Variants in WDR93 observed in about 807,000 individuals in gnomAD.
WDR93 encodes the protein WD repeat domain 93, also known as WD repeat-containing protein 93.
Under a neutral mutation model 82.9 loss-of-function variants are expected in WDR93, and 73 were observed. The observed-to-expected ratio is 0.88, with a 90% confidence interval of 0.73 to 1.07. The LOEUF (loss-of-function observed/expected upper bound fraction) is 1.07, where lower values mean the gene tolerates loss of function less well. Ranked by LOEUF, WDR93 falls within the 50% of genes least tolerant of loss-of-function variation. WDR93 has a pLI of 0.00. For synonymous variants in WDR93, 283 were observed against 300.1 expected (o/e 0.94, Z 0.59); for missense variants, 738 against 826.0 (o/e 0.89, Z 1.31).
intron 5 of WDR93, 130 bp downstream of exon 5, chr15:89,712,234 T>A: frequency 1.4e-6 from 1 of 720,052 alleles, no homozygotes; most frequent in Non-Finnish European, 2.2e-6. Flanking sequence ...GCAAAGAAAT[T>A]ACAGAGTTCC....
chr15:89,738,921 C>T (rs1280013373), intron 16 of WDR93, among the ~76,000 whole-genome samples: 1 of 152,040 alleles, frequency 6.6e-6, no homozygotes, highest in Non-Finnish European at 1.5e-5. Flanking sequence ...TTGAGACCAG[C>T]CTGGCCAACA....
chr15:89,727,302 T>C lies in WDR93; in HGVS notation c.1026T>C (p.Asp342=), dbSNP rs372221365. The C allele has an allele frequency of 1.4e-5, 23 of 1,613,858 alleles. No individual in the cohort carries two copies. Among genetic ancestry groups the C allele is most frequent in the Non-Finnish European group, 1.9e-5 (22 of 1,179,978 alleles). The part of the protein sequence containing the change: ...IFNASYKKYL[D]REWEEEPLST... Reference sequence around the variant, plus strand: ...ACGCTTCCTACAAGAAGTACCTAGATAGGGAGTGGGAGGAAGAGCCACTCA... The same window carrying C: ...ACGCTTCCTACAAGAAGTACCTAGACAGGGAGTGGGAGGAAGAGCCACTCA... Residue 342 remains aspartate, a synonymous_variant, in exon 9 of 17, where the codon GAT becomes GAC. Transcript: ENST00000268130.
chr15:89,740,423 C>T lies in WDR93; in HGVS notation c.1961+2187C>T, dbSNP rs117031894. Among the ~76,000 whole-genome samples, 845 of 152,262 alleles carry T rather than the reference C, an allele frequency of 5.5e-3. 6 individuals carry two copies. The highest frequency in any genetic ancestry group is 7.7e-3 in the Non-Finnish European group (527 of 68,010). Reference sequence around the variant, plus strand: ...GGGGAGAGAGAGGCAATGAAGAAGGCGATGGTTGACATTGGCCCTCTCTAA... The same window carrying T: ...GGGGAGAGAGAGGCAATGAAGAAGGTGATGGTTGACATTGGCCCTCTCTAA... On this transcript the variant is annotated intron_variant, in intron 16 of 16. Transcript: ENST00000268130.
Position 89,743,499 on chromosome 15 carries a change from C to T in WDR93, c.*108C>T, listed in dbSNP as rs780968210. The T allele has an allele frequency of 1.1e-5, 12 of 1,057,832 alleles. No homozygotes were observed. Among genetic ancestry groups the T allele is most frequent in the Non-Finnish European group, 1.7e-5 (12 of 713,816 alleles). 65.5% of individuals were successfully genotyped at this position (1,057,832 alleles called of 1,614,324 possible). A position where few individuals can be genotyped will look rare whatever the true frequency, so the allele number is the denominator to read the frequency against. On this transcript the variant is annotated 3_prime_UTR_variant, in exon 17 of 17. Transcript: ENST00000268130. ...GTAACAGAGCCACAGCTCCACAGGC[C>T]TGCACTCGGAGTCTGGGGCCTCTGC...
intron 16 of WDR93, among the ~76,000 whole-genome samples, chr15:89,739,641 G>A (rs923883721): frequency 1.3e-5 from 2 of 152,100 alleles, no homozygotes; most frequent in African/African-American, 4.8e-5. Flanking sequence ...CACACATTTC[G>A]GGTGGACTGG....
chr15:89,694,686 TA>T (rs1475152813), intron 1 of WDR93, among the ~76,000 whole-genome samples: 1 of 152,260 alleles, frequency 6.6e-6, no homozygotes, highest in African/African-American at 2.4e-5. Context: ...AACACAAGTT[TA>T]TTTTTGAAAA....
intron 10 of WDR93, 36 bp from the exon 11 acceptor site, chr15:89,729,647 C>A: frequency 6.5e-7 from 1 of 1,541,518 alleles, no homozygotes; most frequent in Non-Finnish European, 9.0e-7. Flanking sequence ...CCCTGTGTAA[C>A]ACCCATTTTC....
intron 13 of WDR93, among the ~76,000 whole-genome samples, chr15:89,734,045 A>G (rs946386905): frequency 6.6e-6 from 1 of 151,662 alleles, no homozygotes; most frequent in Non-Finnish European, 1.5e-5. Flanking sequence ...GTGTGTGTGT[A>G]ATAAAGAATA....
At chr15:89,714,634 T>A (rs1966159063) in intron 5 of WDR93, among the ~76,000 whole-genome samples, 1 of 152,216 alleles carries the variant, frequency 6.6e-6, no homozygotes, top group Non-Finnish European at 1.5e-5. Context: ...ATATTTTTTT[T>A]AATGTCAATG....
chr15:89,733,676 A>G (rs1041987625), intron 13 of WDR93, among the ~76,000 whole-genome samples: 1 of 152,144 alleles, frequency 6.6e-6, no homozygotes, highest in Admixed American at 6.5e-5. Flanking sequence ...TTCCCTCACC[A>G]TGTCACACCC....
chr15:89,732,615 C>CCACACACACACACA (rs58806438), intron 12 of WDR93, among the ~76,000 whole-genome samples: 64 of 148,560 alleles, frequency 4.3e-4, no homozygotes, highest in African/African-American at 1.5e-3. Context: ...TGTTGTTTGG[C>CCACACACACACACA]CACACACACA....
intron 15 of WDR93, among the ~76,000 whole-genome samples, 154 bp downstream of exon 15, chr15:89,737,883 G>C (rs1397749783): frequency 6.6e-6 from 1 of 152,136 alleles, no homozygotes; most frequent in Non-Finnish European, 1.5e-5. Context: ...AGGGCACTTA[G>C]ATAAAATGCC....
intron 4 of WDR93, among the ~76,000 whole-genome samples, chr15:89,706,363 G>C (rs964960324): frequency 3.3e-5 from 5 of 149,466 alleles, no homozygotes; most frequent in African/African-American, 1.2e-4. Flanking sequence ...CCATGTTGTT[G>C]CCCAGCCTGG....
intron 14 of WDR93, among the ~76,000 whole-genome samples, chr15:89,735,832 T>C (rs1967122485): frequency 1.3e-5 from 2 of 152,200 alleles, no homozygotes; most frequent in African/African-American, 2.4e-5. Context: ...GAGGGTCACC[T>C]AACTCAACCT....
At chr15:89,715,183 G>A in intron 6 of WDR93, 88 bp downstream of exon 6, 1 of 1,111,858 alleles carries the variant, frequency 9.0e-7, no homozygotes, top group South Asian at 1.4e-5. Flanking sequence ...TATGGTGAAT[G>A]AGGCCTCTGG....
chr15:89,732,707 G>T (rs544280195), intron 12 of WDR93, among the ~76,000 whole-genome samples: 110 of 151,828 alleles, frequency 7.2e-4, no homozygotes, highest in African/African-American at 2.6e-3. Flanking sequence ...GGTCAGCTGC[G>T]CCTCAGTCCC....
At chr15:89,694,883 T>C (rs997136522) in intron 1 of WDR93, among the ~76,000 whole-genome samples, 3 of 152,184 alleles carry the variant, frequency 2.0e-5, no homozygotes, top group African/African-American at 7.2e-5. Flanking sequence ...TCGGCATTCA[T>C]TTTTTTCCTA....
At chr15:89,729,927 C>A (rs1966844963) in intron 11 of WDR93, among the ~76,000 whole-genome samples, 158 bp downstream of exon 11, 1 of 152,108 alleles carries the variant, frequency 6.6e-6, no homozygotes, top group African/African-American at 2.4e-5. Flanking sequence ...AGTGTGACCG[C>A]AAGAATCTGT....
At chr15:89,710,323 G>A (rs1319500949) in intron 4 of WDR93, among the ~76,000 whole-genome samples, 1 of 152,152 alleles carries the variant, frequency 6.6e-6, no homozygotes, top group Non-Finnish European at 1.5e-5. Flanking sequence ...AATGACAGAA[G>A]CCAGACACAA....
Sources: gnomAD v4.1 joint callset for allele counts (sites outside exome capture counted in the v4.1 genomes callset) on GRCh38, gnomAD v4.1.1 for gene constraint, MANE v1.5 for transcripts, NCBI Gene and HGNC (gene_info 2026-07-23, HGNC 2026-07-21) for gene names.